The following OSBPL8 variants were observed in gnomAD, a reference collection of about 807,000 sequenced individuals.
The protein encoded by OSBPL8 is oxysterol-binding protein-related protein 8.
Under a neutral mutation model 125.5 loss-of-function variants are expected in OSBPL8, and 59 were observed. The observed-to-expected ratio is 0.47, with a 90% confidence interval of 0.38 to 0.58. The LOEUF (loss-of-function observed/expected upper bound fraction) is 0.58, where lower values mean the gene tolerates loss of function less well. Among genes scored for constraint, OSBPL8 ranks in the 20% least tolerant of loss-of-function variants. The pLI is 0.00. For missense variants in OSBPL8, 758 were observed against 1,047.8 expected (o/e 0.72, Z 3.82); for synonymous variants, 330 against 338.9 (o/e 0.97, Z 0.29).
intron 1 of OSBPL8, among the ~76,000 whole-genome samples, chr12:76,526,338 T>A (rs1471328139): frequency 6.6e-6 from 1 of 152,200 alleles, no homozygotes. Context: ...TTCAAATGTT[T>A]ATTTCTCCAT....
intron 21 of OSBPL8, 31 bp from the exon 22 acceptor site, chr12:76,358,842 T>G (rs764061544): frequency 2.2e-5 from 35 of 1,571,874 alleles, no homozygotes. Flanking sequence ...TTTGTGAATT[T>G]GCACTGTATT....
intron 4 of OSBPL8, among the ~76,000 whole-genome samples, chr12:76,433,940 A>C (rs922587845): frequency 2.4e-4 from 34 of 142,312 alleles, no homozygotes; most frequent in Non-Finnish European, 4.5e-4. Context: ...ATGCCACTGC[A>C]CTCCAGCTTG....
At chr12:76,459,229 G>A (rs1319215539) in intron 3 of OSBPL8, among the ~76,000 whole-genome samples, 1 of 152,008 alleles carries the variant, frequency 6.6e-6, no homozygotes, top group East Asian at 1.9e-4. Context: ...TATAAAAATT[G>A]CCCCTCTTAC....
At chr12:76,540,585 G>A (rs1285331922) in intron 1 of OSBPL8, among the ~76,000 whole-genome samples, 2 of 150,642 alleles carry the variant, frequency 1.3e-5, no homozygotes, top group Non-Finnish European at 2.9e-5. Flanking sequence ...GGCTATTTCA[G>A]ACATAAAGTG....
Position 76,369,449 on chromosome 12 carries a change from C to G in OSBPL8, c.2241-148G>C, listed in dbSNP as rs1052991728. ...CCATACCTAATCTTCAGATCCTCAA[C>G]TTATTTTATAGGCTAACTTCTATCA... is the stretch of plus-strand genomic sequence containing the variant. On this transcript the variant is annotated intron_variant, in intron 20 of 23. Coordinates refer to ENST00000261183, the MANE Select transcript of OSBPL8 (RefSeq NM_020841.5). 5.0e-6 allele frequency: 7 copies of G among 1,393,180 alleles called. No individual in the cohort carries two copies. In the African/African-American group the frequency reaches 7.3e-5, roughly 15 times the overall value. 86.3% of individuals were successfully genotyped at this position (1,393,180 alleles called of 1,614,324 possible).
At chr12:76,391,355 AG>A (rs1953547838) in intron 10 of OSBPL8, among the ~76,000 whole-genome samples, 1 of 152,138 alleles carries the variant, frequency 6.6e-6, no homozygotes, top group African/African-American at 2.4e-5. Context: ...TCTGTACAAA[AG>A]GGGGAAAGTC....
chr12:76,503,735 G>C (rs1342063872), intron 1 of OSBPL8, among the ~76,000 whole-genome samples: 1 of 151,782 alleles, frequency 6.6e-6, no homozygotes, highest in Non-Finnish European at 1.5e-5. Context: ...AGTAGAGACT[G>C]GGTTTCACCG....
At chr12:76,472,484 G>T (rs902467849) in intron 2 of OSBPL8, among the ~76,000 whole-genome samples, 22 of 152,204 alleles carry the variant, frequency 1.4e-4, no homozygotes, top group Middle Eastern at 3.4e-3. Flanking sequence ...GGGCCCGGGG[G>T]ACCACTACCA....
intron 21 of OSBPL8, among the ~76,000 whole-genome samples, chr12:76,364,049 G>C (rs918508861): frequency 1.3e-5 from 2 of 152,170 alleles, no homozygotes; most frequent in African/African-American, 4.8e-5. Context: ...TTACACTGTT[G>C]GTGGGAGGGT....
At chr12:76,412,885 A>T (rs1868288551) in intron 4 of OSBPL8, among the ~76,000 whole-genome samples, 1 of 152,156 alleles carries the variant, frequency 6.6e-6, no homozygotes, top group African/African-American at 2.4e-5. Context: ...CCCTTCAGGG[A>T]GGCCTTGTTT....
chr12:76,458,718 G>C (rs1362272267), intron 3 of OSBPL8, among the ~76,000 whole-genome samples: 2 of 151,634 alleles, frequency 1.3e-5, no homozygotes, highest in African/African-American at 2.4e-5. Flanking sequence ...AAAGGATTTA[G>C]CATATTACTT....
chr12:76,399,286 C>T (rs541720757), intron 7 of OSBPL8, among the ~76,000 whole-genome samples: 5 of 151,998 alleles, frequency 3.3e-5, no homozygotes, highest in African/African-American at 1.2e-4. Context: ...CAGAGTCCTA[C>T]GAGATCACTC....
At chr12:76,435,802 T>G (rs188630399) in intron 4 of OSBPL8, among the ~76,000 whole-genome samples, 5 of 152,260 alleles carry the variant, frequency 3.3e-5, no homozygotes, top group Admixed American at 3.3e-4. Context: ...CCCTAGTGGG[T>G]CTTCCTTTAC....
At chr12:76,502,264 C>T (rs1879980763) in intron 1 of OSBPL8, among the ~76,000 whole-genome samples, 2 of 152,182 alleles carry the variant, frequency 1.3e-5, no homozygotes. Flanking sequence ...ACTATTACCC[C>T]TATTGATCCA....
chr12:76,487,511 G>C lies in OSBPL8; in HGVS notation c.41C>G (p.Ser14Trp). The change falls in exon 2 of 24, where the codon TCG (serine) becomes TGG (tryptophan). Residue 14 changes from serine (S) to tryptophan (W), a missense_variant and splice_region_variant. By Grantham distance (177) the Ser-to-Trp change is radical. Around this residue, in one of 3 missense-constraint regions of OSBPL8, gnomAD observed 117 missense variants for 137.1 expected, o/e 0.85. Transcript: ENST00000261183. ...CTATGTCATATATGAACTACTCACC[G>C]AAGTTCGATCAGGTTCTCCATCTGC... Reference protein sequence around the residue: ...GLADGEPDRTSLLGDSKDVLG... With the variant: ...GLADGEPDRTWLLGDSKDVLG... 1.2e-6 allele frequency: 2 copies of C among 1,603,782 alleles called. No individual in the cohort carries two copies. Among genetic ancestry groups the C allele is most frequent in the Non-Finnish European group, 1.7e-6 (2 of 1,175,682 alleles).
At chr12:76,498,762 C>T (rs1234158232) in intron 1 of OSBPL8, among the ~76,000 whole-genome samples, 1 of 148,096 alleles carries the variant, frequency 6.8e-6, no homozygotes, top group East Asian at 2.0e-4. Flanking sequence ...CAGGGTCACC[C>T]AGAATGGAGT....
chr12:76,527,040 TTA>T (rs1413513859), intron 1 of OSBPL8, among the ~76,000 whole-genome samples: 4 of 152,116 alleles, frequency 2.6e-5, no homozygotes, highest in African/African-American at 9.7e-5. Flanking sequence ...ATAAGTAAAA[TTA>T]TGAGGCTAAA....
At chr12:76,500,343 A>G (rs576920720) in intron 1 of OSBPL8, among the ~76,000 whole-genome samples, 60 of 152,322 alleles carry the variant, frequency 3.9e-4, no homozygotes, top group African/African-American at 1.4e-3. Context: ...TCTTCCTTCT[A>G]GAAAATATTT....
intron 1 of OSBPL8, among the ~76,000 whole-genome samples, chr12:76,510,965 T>C (rs1026370554): frequency 1.3e-5 from 2 of 152,066 alleles, no homozygotes; most frequent in African/African-American, 4.8e-5. Flanking sequence ...ACAAACATCA[T>C]TGCTGTCATC....
Sources: gnomAD v4.1 joint callset for allele counts (sites outside exome capture counted in the v4.1 genomes callset) on GRCh38, gnomAD v4.1.1 for gene constraint, gnomAD v4.1.1 regional missense constraint, MANE v1.5 for transcripts, NCBI Gene and HGNC (gene_info 2026-07-23, HGNC 2026-07-21) for gene names.